Variants in PRKCI observed in about 807,000 individuals in gnomAD.
The protein encoded by PRKCI is protein kinase C iota type.
PRKCI carries 43 observed loss-of-function variants against 84.0 expected under a neutral mutation model. The ratio of observed to expected loss-of-function variants is 0.51; its 90% CI spans 0.40 to 0.66. The LOEUF (loss-of-function observed/expected upper bound fraction) is 0.66. Ranked by LOEUF, PRKCI falls within the 30% of genes least tolerant of loss-of-function variation. The pLI is 0.00. For missense variants in PRKCI, 459 were observed against 745.6 expected (o/e 0.62, Z 4.48); for synonymous variants, 216 against 234.4 (o/e 0.92, Z 0.72).
chr3:170,261,461 A>T (rs1340629694), intron 3 of PRKCI, among the ~76,000 whole-genome samples: 7 of 132,888 alleles, frequency 5.3e-5, no homozygotes, highest in Non-Finnish European at 9.1e-5. Context: ...TTTTTTTTTA[A>T]AAAAAAAAAA....
At chr3:170,235,142 A>G in intron 1 of PRKCI, 88 bp from the exon 2 acceptor site, 1 of 1,332,120 alleles carries the variant, frequency 7.5e-7, no homozygotes, top group Non-Finnish European at 1.0e-6. Context: ...AAATTACTGA[A>G]GTTCATCAAA....
Position 170,271,150 on chromosome 3 carries a change from T to C in PRKCI, c.591+589T>C, listed in dbSNP as rs115227649. 5.2e-3 allele frequency among the ~76,000 whole-genome samples: 789 copies of C among 152,320 alleles called. 8 individuals carry two copies. The highest frequency in any genetic ancestry group is 0.018 in the African/African-American group (761 of 41,584). ...GTGGATATCCTTCCAGAACTTTTCC[T>C]GTGCAAATTTATATGCATAAACATT... is the stretch of plus-strand genomic sequence containing the variant. On this transcript the variant is annotated intron_variant, in intron 6 of 17. Coordinates refer to ENST00000295797, the MANE Select transcript of PRKCI (RefSeq NM_002740.6).
intron 2 of PRKCI, among the ~76,000 whole-genome samples, chr3:170,257,046 T>G (rs2422033): frequency 0.22 from 32,796 of 152,044 alleles, 3,876 homozygotes; most frequent in African/African-American, 0.32. Context: ...CTTGTTAGTT[T>G]TTGTAGGTTA....
At position 170,233,876 on chromosome 3, in the gene PRKCI, A is replaced by G. The variant is rs528251951; in HGVS notation, c.102-1354A>G. ...GCTGGGATTATAGGCACCCACCACCATGCCTGGCTAATTTTTGTATTTTTA... is the reference window on the plus strand; with the variant it reads ...GCTGGGATTATAGGCACCCACCACCGTGCCTGGCTAATTTTTGTATTTTTA... On this transcript the variant is annotated intron_variant, in intron 1 of 17. Coordinates refer to ENST00000295797, the MANE Select transcript of PRKCI (RefSeq NM_002740.6). Among the ~76,000 whole-genome samples the G allele has an allele frequency of 5.9e-5, 9 of 151,900 alleles. No homozygotes were observed. The East Asian group carries it at 1.5e-3, about 26-fold the overall frequency.
At chr3:170,264,182 A>G (rs1391654331) in intron 4 of PRKCI, among the ~76,000 whole-genome samples, 1 of 149,424 alleles carries the variant, frequency 6.7e-6, no homozygotes, top group South Asian at 2.1e-4. Flanking sequence ...TTTTTTGGTT[A>G]TACCACTTGA....
At chr3:170,246,400 G>A (rs539966007) in intron 2 of PRKCI, among the ~76,000 whole-genome samples, 37 of 152,090 alleles carry the variant, frequency 2.4e-4, no homozygotes, top group African/African-American at 8.2e-4. Context: ...TGATCCGCCC[G>A]CCTCGGCCTC....
At chr3:170,268,319 A>C (rs1019159288) in intron 5 of PRKCI, among the ~76,000 whole-genome samples, 2 of 152,126 alleles carry the variant, frequency 1.3e-5, no homozygotes, top group African/African-American at 4.8e-5. Context: ...ATCTCTATTA[A>C]AAATACAAAA....
intron 7 of PRKCI, among the ~76,000 whole-genome samples, chr3:170,274,186 C>T (rs539812013): frequency 1.3e-5 from 2 of 152,256 alleles, no homozygotes; most frequent in East Asian, 3.9e-4. Flanking sequence ...AGCTGGAATG[C>T]AGTGGCGTGA....
Position 170,284,454 on chromosome 3 carries a change from A to T in PRKCI, c.1068-7A>T. ...AATCAAATGACTTATTTTTTATTTAATTTTAGATTTTACTCTGCAGAAATC... is the reference window on the plus strand; with the variant it reads ...AATCAAATGACTTATTTTTTATTTATTTTTAGATTTTACTCTGCAGAAATC... On this transcript the variant is annotated splice_region_variant and splice_polypyrimidine_tract_variant and intron_variant, in intron 11 of 17. Transcript: ENST00000295797. 6.5e-7 allele frequency: 1 copy of T among 1,546,082 alleles called. No homozygotes were observed. The highest frequency in any genetic ancestry group is 2.3e-4 in the Middle Eastern group (1 of 4,298).
chr3:170,275,117 AC>A, intron 7 of PRKCI, 111 bp from the exon 8 acceptor site: 1 of 1,290,016 alleles, frequency 7.8e-7, no homozygotes, highest in Non-Finnish European at 1.0e-6. Context: ...AGAAGTAAAA[AC>A]TAAAATAAAA....
rs1732512804 is a variant in PRKCI at position 170,222,542 on chromosome 3, C to G, written c.-128C>G. On this transcript the variant is annotated 5_prime_UTR_variant, in exon 1 of 18. Transcript: ENST00000295797. ...GCGACCCTTGGGTCGGCGCTGCGGG[C>G]GAGGTGGGCAGGTAGGTGGGCGGAC... is the stretch of plus-strand genomic sequence containing the variant. The G allele has an allele frequency of 1.3e-6, 1 of 773,396 alleles. No homozygotes were observed. The highest frequency in any genetic ancestry group is 1.9e-6 in the Non-Finnish European group (1 of 521,648). The allele number at this position is 773,396 out of a possible 1,614,324, so 47.9% of individuals were successfully genotyped here.
At position 170,256,435 on chromosome 3, in the gene PRKCI, T is replaced by C. The variant is rs1301783944; in HGVS notation, c.224-3534T>C. On this transcript the variant is annotated intron_variant, in intron 2 of 17. Coordinates refer to ENST00000295797, the MANE Select transcript of PRKCI (RefSeq NM_002740.6). ...TGTCTAGGAATTTATCCATTTCTTC[T>C]AGGCTTTCTGATTTGTTGGCATATA... 2.6e-5 allele frequency among the ~76,000 whole-genome samples: 4 copies of C among 152,324 alleles called. No individual in the cohort carries two copies. In the East Asian group the frequency reaches 7.7e-4, roughly 29 times the overall value.
chr3:170,222,561 G>A lies in PRKCI; in HGVS notation c.-109G>A. The A allele has an allele frequency of 5.1e-6, 5 of 978,358 alleles. No individual in the cohort carries two copies. In the South Asian group the frequency reaches 9.5e-5, roughly 19 times the overall value. 60.6% of individuals were successfully genotyped at this position (978,358 alleles called of 1,614,324 possible). A position where few individuals can be genotyped will look rare whatever the true frequency, so the allele number is the denominator to read the frequency against. ...TGCGGGCGAGGTGGGCAGGTAGGTG[G>A]GCGGACGGCCGCGGTTCTCCGGCAA... On this transcript the variant is annotated 5_prime_UTR_variant, in exon 1 of 18. Coordinates refer to ENST00000295797, the MANE Select transcript of PRKCI (RefSeq NM_002740.6).
chr3:170,282,474 A>G (rs1734271493), intron 11 of PRKCI, among the ~76,000 whole-genome samples: 4 of 152,008 alleles, frequency 2.6e-5, no homozygotes, highest in Admixed American at 2.6e-4. Context: ...AGGCGGGCGG[A>G]TCACCTGAGG....
chr3:170,296,974 G>A (rs916725414), intron 15 of PRKCI, among the ~76,000 whole-genome samples: 1 of 152,156 alleles, frequency 6.6e-6, no homozygotes, highest in Non-Finnish European at 1.5e-5. Context: ...AGGTTTGCAT[G>A]TTTTGACTCT....
intron 3 of PRKCI, among the ~76,000 whole-genome samples, chr3:170,261,919 A>C (rs1560175255): frequency 6.6e-6 from 1 of 152,250 alleles, no homozygotes; most frequent in African/African-American, 2.4e-5. Flanking sequence ...CAATGAATGC[A>C]TAAAGAAGTG....
intron 2 of PRKCI, among the ~76,000 whole-genome samples, chr3:170,246,970 C>T (rs953674068): frequency 9.9e-5 from 15 of 151,680 alleles, no homozygotes; most frequent in Admixed American, 6.6e-4. Context: ...TTTTTTTTCT[C>T]GTTCAGTACC....
chr3:170,245,945 C>CTTTGTTTTTTTTTGTTTGTTTG (rs1733265571), intron 2 of PRKCI, among the ~76,000 whole-genome samples: 1 of 95,182 alleles, frequency 1.1e-5, no homozygotes, highest in East Asian at 2.9e-4. Context: ...GATGTTATGT[C>CTTTGTTTTTTTTTGTTTGTTTG]TTTGTTTTTT....
Position 170,281,186 on chromosome 3 carries a change from A to T in PRKCI, c.903A>T (p.Thr301=). ...NDDEDIDWVQ[T]EKHVFEQASN... Reference sequence around the variant, plus strand: ...AATAGGATATTGATTGGGTACAGACAGAGAAGCATGTGTTTGAGCAGGCAT... The same window carrying T: ...AATAGGATATTGATTGGGTACAGACTGAGAAGCATGTGTTTGAGCAGGCAT... The change falls in exon 10 of 18, where the codon ACA becomes ACT. Residue 301 remains threonine, a synonymous_variant. Coordinates refer to ENST00000295797, the MANE Select transcript of PRKCI (RefSeq NM_002740.6). 6.2e-7 allele frequency: 1 copy of T among 1,613,476 alleles called. No homozygotes were observed. The highest frequency in any genetic ancestry group is 8.5e-7 in the Non-Finnish European group (1 of 1,179,916).
Sources: gnomAD v4.1 joint callset for allele counts (sites outside exome capture counted in the v4.1 genomes callset) on GRCh38, gnomAD v4.1.1 for gene constraint, MANE v1.5 for transcripts, NCBI Gene and HGNC (gene_info 2026-07-23, HGNC 2026-07-21) for gene names.